EIF4G3: variants seen among roughly 807,000 people sequenced by gnomAD.
EIF4G3 encodes the protein eukaryotic translation initiation factor 4 gamma 3.
A neutral mutation model predicts 186.4 loss-of-function variants in EIF4G3; 34 were observed. That is an observed-to-expected ratio of 0.18 (90% CI 0.14 to 0.24). The LOEUF is 0.24. Ranked by LOEUF, EIF4G3 falls within the 10% of genes least tolerant of loss-of-function variation. The pLI, the probability that EIF4G3 is intolerant of heterozygous loss-of-function variation, is 1.00. For missense variants in EIF4G3, 1,536 were observed against 1,948.5 expected (o/e 0.79, Z 3.99); for synonymous variants, 673 against 679.5 (o/e 0.99, Z 0.15).
chr1:21,137,815 C>CAAAAA (rs201685410), intron 2 of EIF4G3, among the ~76,000 whole-genome samples: 1 of 103,192 alleles, frequency 9.7e-6, no homozygotes. Context: ...GACCCTGTCT[C>CAAAAA]AAAAAAAAAA....
At chr1:20,838,784 C>T (rs1418994221) in intron 30 of EIF4G3, among the ~76,000 whole-genome samples, 1 of 152,032 alleles carries the variant, frequency 6.6e-6, no homozygotes, top group East Asian at 1.9e-4. Context: ...AGGTGCAATC[C>T]TTCTGCCTCA....
intron 3 of EIF4G3, among the ~76,000 whole-genome samples, chr1:21,069,089 A>G (rs978918299): frequency 3.3e-5 from 5 of 152,122 alleles, no homozygotes; most frequent in Non-Finnish European, 2.9e-5. Flanking sequence ...TTTGTTATCT[A>G]TTTCATGGCT....
At chr1:21,029,373 A>G (rs1211260960) in intron 4 of EIF4G3, among the ~76,000 whole-genome samples, 1 of 152,090 alleles carries the variant, frequency 6.6e-6, no homozygotes, top group Non-Finnish European at 1.5e-5. Flanking sequence ...GAATTTCCAA[A>G]GCAGAGCCAT....
intron 14 of EIF4G3, among the ~76,000 whole-genome samples, chr1:20,936,878 C>T (rs1386413608): frequency 1.3e-5 from 2 of 152,094 alleles, no homozygotes; most frequent in African/African-American, 2.4e-5. Context: ...AACATATAAT[C>T]GTATCTCCAT....
intron 20 of EIF4G3, among the ~76,000 whole-genome samples, chr1:20,871,594 C>T (rs1382784089): frequency 6.6e-6 from 1 of 152,064 alleles, no homozygotes; most frequent in Admixed American, 6.5e-5. Context: ...TTTTAAATGC[C>T]TGTGGTCTAG....
chr1:20,957,164 A>T (rs1249542331), intron 12 of EIF4G3, among the ~76,000 whole-genome samples: 1 of 152,132 alleles, frequency 6.6e-6, no homozygotes, highest in African/African-American at 2.4e-5. Flanking sequence ...AAACCCGGAC[A>T]CTCAAAATAA....
Position 20,810,551 on chromosome 1 carries a change from G to C in EIF4G3, c.4744+187C>G, listed in dbSNP as rs1309839536. ...GATCTGCCTGCCGTGGCCTCCCAAA[G>C]TGCTGGGATTATAGGCGCAAGCCAC... On this transcript the variant is annotated intron_variant, in intron 36 of 36. Transcript: ENST00000602326. The surrounding 1 kb of genome is among the most constrained non-coding windows in gnomAD (Gnocchi z 4.1). 6.6e-6 allele frequency among the ~76,000 whole-genome samples: 1 copy of C among 152,190 alleles called. No individual in the cohort carries two copies. Among genetic ancestry groups the C allele is most frequent in the Non-Finnish European group, 1.5e-5 (1 of 68,024 alleles).
At chr1:20,891,853 G>A (rs1395266681) in intron 18 of EIF4G3, among the ~76,000 whole-genome samples, 1 of 151,542 alleles carries the variant, frequency 6.6e-6, no homozygotes, top group African/African-American at 2.4e-5. Flanking sequence ...TTCTGGTGAG[G>A]TAACTCAAGA....
chr1:20,921,332 G>C (rs2094481727), intron 14 of EIF4G3, among the ~76,000 whole-genome samples: 1 of 152,190 alleles, frequency 6.6e-6, no homozygotes, highest in Non-Finnish European at 1.5e-5. Context: ...GAAGGTAATT[G>C]TGCTATTGAT....
At chr1:21,015,058 G>T (rs2088509386) in intron 4 of EIF4G3, among the ~76,000 whole-genome samples, 1 of 142,218 alleles carries the variant, frequency 7.0e-6, no homozygotes, top group Non-Finnish European at 1.5e-5. Flanking sequence ...TTAACAAAGA[G>T]ATAGAAATAG....
At chr1:21,059,291 G>A (rs2094754304) in intron 3 of EIF4G3, among the ~76,000 whole-genome samples, 1 of 151,954 alleles carries the variant, frequency 6.6e-6, no homozygotes, top group South Asian at 2.1e-4. Flanking sequence ...TTCTTATGTG[G>A]GTAATTTCTA....
At chr1:21,021,452 T>C (rs2154570875) in intron 4 of EIF4G3, among the ~76,000 whole-genome samples, 1 of 152,360 alleles carries the variant, frequency 6.6e-6, no homozygotes, top group Admixed American at 6.5e-5. Flanking sequence ...ATGATTATTA[T>C]GTAAGCTCAG....
chr1:20,844,472 C>A (rs1324090556), intron 29 of EIF4G3, among the ~76,000 whole-genome samples: 1 of 151,712 alleles, frequency 6.6e-6, no homozygotes, highest in Admixed American at 6.6e-5. Flanking sequence ...CTGTTCATGT[C>A]CTTTGTCTAC....
chr1:20,980,017 C>T (rs971449236), intron 10 of EIF4G3, among the ~76,000 whole-genome samples: 4 of 152,108 alleles, frequency 2.6e-5, no homozygotes, highest in Admixed American at 2.0e-4. Context: ...GGATTACAGG[C>T]GTGAGCCACC....
intron 2 of EIF4G3, among the ~76,000 whole-genome samples, chr1:21,146,042 C>G (rs1203797138): frequency 6.6e-6 from 1 of 151,936 alleles, no homozygotes; most frequent in Non-Finnish European, 1.5e-5. Context: ...CTGTAGTGAG[C>G]CAAGATTGTG....
chr1:20,891,782 T>A (rs2086172850), intron 18 of EIF4G3, among the ~76,000 whole-genome samples: 1 of 147,958 alleles, frequency 6.8e-6, no homozygotes, highest in African/African-American at 2.5e-5. Context: ...AGAGCGACAC[T>A]CTGTCTCAAA....
Position 20,865,140 on chromosome 1 carries a change from C to A in EIF4G3, c.2745G>T (p.Gln915His). ...KADDDVFEKK[Q>H]KELEAASAPE... is the part of the protein sequence containing the mutation. The stretch of plus-strand genomic sequence containing the variant: ...CAGCACTGGCAGCCTCAAGTTCTTT[C>A]TGCTTCTTCTCAAAGACATCATCAT... Residue 915 changes from glutamine to histidine, a missense_variant, in exon 21 of 37, where the codon CAG (glutamine) becomes CAT (histidine). This residue lies in a region of EIF4G3 where 77 missense variants were observed against 131.6 expected (regional missense o/e 0.59). Coordinates refer to ENST00000602326, the MANE Select transcript of EIF4G3 (RefSeq NM_001391906.1). 6.2e-7 allele frequency: 1 copy of A among 1,614,130 alleles called. No homozygotes were observed. The highest frequency in any genetic ancestry group is 8.5e-7 in the Non-Finnish European group (1 of 1,179,984).
chr1:21,152,096 A>C (rs2097560489), intron 2 of EIF4G3, among the ~76,000 whole-genome samples: 1 of 152,080 alleles, frequency 6.6e-6, no homozygotes. Flanking sequence ...AGTTCTAAAG[A>C]CTCCCGGATC....
chr1:20,980,481 A>G, intron 9 of EIF4G3, 33 bp from the exon 10 acceptor site: 1 of 1,425,314 alleles, frequency 7.0e-7, no homozygotes, highest in Non-Finnish European at 9.4e-7. Context: ...ATTTATAAAT[A>G]ATATGGTATC....
Sources: allele counts gnomAD v4.1 joint callset (sites outside exome capture counted in the v4.1 genomes callset), GRCh38; gene constraint gnomAD v4.1.1; regional missense constraint gnomAD v4.1.1; non-coding constraint Gnocchi (gnomAD v3.1); transcripts MANE v1.5; gene names NCBI Gene and HGNC (gene_info 2026-07-23, HGNC 2026-07-21).